The following SHH variants were observed in gnomAD, a reference collection of about 807,000 sequenced individuals.
The protein encoded by SHH is sonic hedgehog protein.
SHH carries 3 observed loss-of-function variants against 16.6 expected under a neutral mutation model. The observed-to-expected ratio is 0.18, with a 90% CI of 0.08 to 0.47. SHH has a LOEUF of 0.47. Ranked by LOEUF, SHH falls within the 20% of genes least tolerant of loss-of-function variation. The probability of loss-of-function intolerance (pLI) is 0.98; values close to 1 mark genes in which losing one functional copy is unlikely to be tolerated. For missense variants in SHH, 499 were observed against 665.0 expected, an observed-to-expected ratio of 0.75 and a Z score of 2.75; for synonymous variants, 351 against 316.2, an observed-to-expected ratio of 1.11 and a Z score of -1.17.
rs1192522570 is a variant in SHH at position 155,801,801 on chromosome 7, A to G, written c.*1099T>C. On this transcript the variant is annotated 3_prime_UTR_variant, in exon 3 of 3. Transcript: ENST00000297261. ...AAACAAAGAAGCCAAAAACTAAAAG[A>G]AAAAGGGCTGCAACAGGAATTCTTA... The G allele has an allele frequency of 6.6e-6, 1 of 152,226 alleles. No homozygotes were observed. The highest frequency in any genetic ancestry group is 1.5e-5 in the Non-Finnish European group (1 of 68,046). 9.4% of individuals were successfully genotyped at this position (152,226 alleles called of 1,614,324 possible).
intron 2 of SHH, among the ~76,000 whole-genome samples, chr7:155,804,431 T>C (rs1231586999): frequency 1.3e-5 from 2 of 152,212 alleles, no homozygotes; most frequent in South Asian, 2.1e-4. Flanking sequence ...AGCATTGTCA[T>C]TGTGATTTCT....
chr7:155,803,787 C>T, intron 2 of SHH, 61 bp from the exon 3 acceptor site: 1 of 1,441,296 alleles, frequency 6.9e-7, no homozygotes, highest in Non-Finnish European at 9.6e-7. Flanking sequence ...GAGGGAGGCG[C>T]GTCTCGGGGA....
intron 1 of SHH, among the ~76,000 whole-genome samples, chr7:155,810,955 G>A (rs9333598): frequency 3.5e-4 from 53 of 152,346 alleles, no homozygotes; most frequent in African/African-American, 1.2e-3. Flanking sequence ...AAAGGAGGTG[G>A]GGAGAGAGAG....
chr7:155,802,348 T>C lies in SHH; in HGVS notation c.*552A>G, dbSNP rs959758811. On this transcript the variant is annotated 3_prime_UTR_variant, in exon 3 of 3. Coordinates refer to ENST00000297261, the MANE Select transcript of SHH (RefSeq NM_000193.4). ...AAAATCTAATTTACAATTCTGTGTA[T>C]AAAAATATAATTTGTGGACCCCCAT... 5.9e-5 allele frequency: 9 copies of C among 152,222 alleles called. No homozygotes were observed. Among genetic ancestry groups the C allele is most frequent in the African/African-American group, 2.2e-4 (9 of 41,456 alleles). 9.4% of individuals were successfully genotyped at this position (152,222 alleles called of 1,614,324 possible).
chr7:155,806,503 C>A lies in SHH; in HGVS notation c.355G>T (p.Gly119Ter). 1 of 1,613,166 alleles carries A rather than the reference C, an allele frequency of 6.2e-7. No individual in the cohort carries two copies. The highest frequency in any genetic ancestry group is 8.5e-7 in the Non-Finnish European group (1 of 1,180,028). Residue 119 changes from glycine (G) to a stop codon, truncating the protein, a stop_gained, in exon 2 of 3, where the codon GGA (glycine) becomes TGA (stop). Coordinates refer to ENST00000297261, the MANE Select transcript of SHH (RefSeq NM_000193.4). LOFTEE classifies it high-confidence loss of function. ...LAISVMNQWPGVKLRVTEGWD... is the reference protein window; with the variant it reads ...LAISVMNQWP ...CCCTCGGTCACCCGCAGTTTCACTC[C>A]TGGCCACTGGTTCATCACCGAGATG...
chr7:155,809,772 G>A lies in SHH; in HGVS notation c.300+2051C>T, dbSNP rs1261833930. Among the ~76,000 whole-genome samples, 1 of 151,968 alleles carries A rather than the reference G, an allele frequency of 6.6e-6. No individual in the cohort carries two copies. The highest frequency in any genetic ancestry group is 1.5e-5 in the Non-Finnish European group (1 of 67,936). On this transcript the variant is annotated intron_variant, in intron 1 of 2. Transcript: ENST00000297261. The surrounding 1 kb of genome is among the most constrained non-coding windows in gnomAD (Gnocchi z 6.1). ...TTCAAATGCTGCCTGTGCGCGCGGC[G>A]GCGAGAGTGGCCGGGCGCGGGGCCG...
chr7:155,805,699 G>A (rs865778336), intron 2 of SHH, among the ~76,000 whole-genome samples: 1 of 152,130 alleles, frequency 6.6e-6, no homozygotes, highest in Admixed American at 6.5e-5. Context: ...CGCCGCCCAG[G>A]GCGTCCCGGC....
At chr7:155,806,267 TC>T in intron 2 of SHH, 28 bp downstream of exon 2, 1 of 1,612,842 alleles carries the variant, frequency 6.2e-7, no homozygotes, top group African/African-American at 1.3e-5. Flanking sequence ...CTTCCTTGGG[TC>T]GGATCCGGGG....
chr7:155,804,507 ACT>A (rs1227214444), intron 2 of SHH, among the ~76,000 whole-genome samples: 2 of 149,366 alleles, frequency 1.3e-5, no homozygotes, highest in East Asian at 4.0e-4. Flanking sequence ...TTCTCAGCTC[ACT>A]CTCTCCCCAG....
Position 155,803,389 on chromosome 7 carries a change from C to A in SHH, c.900G>T (p.Gly300=), listed in dbSNP as rs965531541. The change falls in exon 3 of 3, where the codon GGG becomes GGT. Residue 300 remains glycine, a synonymous_variant. Transcript: ENST00000297261. ...CGCGGCTGGCGAACAGCGCCCGAGG[C>A]CCCAGTGCGCCCCCGGAAGGCGGCC... ...GSGPPSGGAL[G]PRALFASRVR... The A allele has an allele frequency of 1.3e-6, 2 of 1,500,608 alleles. No individual in the cohort carries two copies. The highest frequency in any genetic ancestry group is 1.4e-5 in the African/African-American group (1 of 69,066). The allele number at this position is 1,500,608 out of a possible 1,614,324, so 93.0% of individuals were successfully genotyped here.
At position 155,802,095 on chromosome 7, in the gene SHH, AAAAAAGAAAAGAAAAG is replaced by A. The variant is rs1803195739; in HGVS notation, c.*789_*804del. 6.7e-6 allele frequency: 1 copy of A among 150,110 alleles called. No individual in the cohort carries two copies. Among genetic ancestry groups the A allele is most frequent in the Non-Finnish European group, 1.5e-5 (1 of 67,794 alleles). The allele number at this position is 150,110 out of a possible 1,614,324, so 9.3% of individuals were successfully genotyped here. Reference sequence around the variant, plus strand: ...TTTGTCCAAAAAAAAAAAAAAAAAAAAAAAAGAAAAGAAAAGAAAAAGAAAAGTGTGTGTGTATGTT... The same window carrying A: ...TTTGTCCAAAAAAAAAAAAAAAAAAAAAAAAGAAAAGTGTGTGTGTATGTT... On this transcript the variant is annotated 3_prime_UTR_variant, in exon 3 of 3. Transcript: ENST00000297261.
At chr7:155,811,388 T>C (rs539314390) in intron 1 of SHH, among the ~76,000 whole-genome samples, 26 of 152,210 alleles carry the variant, frequency 1.7e-4, no homozygotes, top group Admixed American at 1.6e-3. Context: ...AAGGCTACGT[T>C]CGTTCGTTCG....
At position 155,800,978 on chromosome 7, in the gene SHH, C is replaced by A. The variant is rs575390346; in HGVS notation, c.*1922G>T. 8 of 198,302 alleles carry A rather than the reference C, an allele frequency of 4.0e-5. No homozygotes were observed. 12.3% of individuals were successfully genotyped at this position (198,302 alleles called of 1,614,324 possible). Reference sequence around the variant, plus strand: ...CAAGGCCCAGCCTGCTCAGACGATTCGGCCCAAAGCACAAAGCATGGCAGA... The same window carrying A: ...CAAGGCCCAGCCTGCTCAGACGATTAGGCCCAAAGCACAAAGCATGGCAGA... On this transcript the variant is annotated 3_prime_UTR_variant, in exon 3 of 3. Coordinates refer to ENST00000297261, the MANE Select transcript of SHH (RefSeq NM_000193.4).
intron 1 of SHH, 45 bp from the exon 2 acceptor site, chr7:155,806,602 G>A (rs1221703545): frequency 1.9e-6 from 3 of 1,609,900 alleles, no homozygotes; most frequent in East Asian, 2.2e-5. Flanking sequence ...GTTAGCCTGG[G>A]CAACCGCCAC....
chr7:155,804,268 C>A (rs1481429688), intron 2 of SHH, among the ~76,000 whole-genome samples: 2 of 151,878 alleles, frequency 1.3e-5, no homozygotes, highest in Non-Finnish European at 2.9e-5. Context: ...AGCACCCTGC[C>A]GCGCCTCGGC....
chr7:155,805,235 C>G lies in SHH; in HGVS notation c.562+1061G>C, dbSNP rs112741760. On this transcript the variant is annotated intron_variant, in intron 2 of 2. Coordinates refer to ENST00000297261, the MANE Select transcript of SHH (RefSeq NM_000193.4). ...GCGCCCTGGGCCCAGGGGCCGCCGC[C>G]GAGCCCGCGAGGTGGGGGCGCCGCC... is the stretch of plus-strand genomic sequence containing the variant. Among the ~76,000 whole-genome samples, 263 of 152,134 alleles carry G rather than the reference C, an allele frequency of 1.7e-3. 2 individuals carry two copies. Among genetic ancestry groups the G allele is most frequent in the African/African-American group, 6.2e-3 (256 of 41,526 alleles).
rs754568855 is a variant in SHH, at chr7:155,800,627, C to T, written c.*2273G>A. ...CAAAAGAACAGAAACCATCGCACTT[C>T]CTCCGAGATTGTAAACACCAGCCTG... On this transcript the variant is annotated 3_prime_UTR_variant, in exon 3 of 3. Transcript: ENST00000297261. The T allele has an allele frequency of 7.0e-5, 33 of 470,862 alleles. No homozygotes were observed. The East Asian group carries it at 2.3e-3, about 33-fold the overall frequency. The allele number at this position is 470,862 out of a possible 1,614,324, so 29.2% of individuals were successfully genotyped here.
intron 2 of SHH, among the ~76,000 whole-genome samples, chr7:155,804,962 C>A (rs1161509941): frequency 1.3e-5 from 2 of 152,234 alleles, no homozygotes; most frequent in Admixed American, 6.5e-5. Flanking sequence ...TCCGTAGCCC[C>A]CCGGAATGCG....
chr7:155,804,982 G>T (rs1803311256), intron 2 of SHH, among the ~76,000 whole-genome samples: 1 of 152,238 alleles, frequency 6.6e-6, no homozygotes, highest in Non-Finnish European at 1.5e-5. Context: ...GACCCCGGGC[G>T]CTGGCGAGCC....
Sources: allele counts gnomAD v4.1 joint callset (sites outside exome capture counted in the v4.1 genomes callset), GRCh38; gene constraint gnomAD v4.1.1; non-coding constraint Gnocchi (gnomAD v3.1); transcripts MANE v1.5; gene names NCBI Gene and HGNC (gene_info 2026-07-23, HGNC 2026-07-21).